The following INTS3 variants were observed in gnomAD, a reference collection of about 807,000 sequenced individuals.
INTS3 encodes integrator complex subunit 3.
A neutral mutation model predicts 146.3 loss-of-function variants in INTS3; 34 were observed. The observed-to-expected ratio is 0.23, with a 90% CI of 0.18 to 0.31. The LOEUF (loss-of-function observed/expected upper bound fraction) is 0.31. Ranked by LOEUF, INTS3 falls within the 10% of genes least tolerant of loss-of-function variation. The probability of loss-of-function intolerance (pLI) is 1.00; values close to 1 mark genes in which losing one functional copy is unlikely to be tolerated. For missense variants in INTS3, 757 were observed against 1,304.2 expected, an observed-to-expected ratio of 0.58 and a Z score of 6.46; for synonymous variants, 475 against 494.9, an observed-to-expected ratio of 0.96 and a Z score of 0.53.
intron 1 of INTS3, among the ~76,000 whole-genome samples, chr1:153,729,809 G>A (rs893988643): frequency 6.8e-6 from 1 of 147,614 alleles, no homozygotes; most frequent in Admixed American, 6.9e-5. Flanking sequence ...AAGTTGCAGC[G>A]AGCCAAGATT....
chr1:153,757,682 A>G lies in INTS3; in HGVS notation c.1068A>G (p.Val356=), dbSNP rs1438681438. The change falls in exon 10 of 30, where the codon GTA becomes GTG. Residue 356 remains valine (V), a synonymous_variant. Coordinates refer to ENST00000318967, the MANE Select transcript of INTS3 (RefSeq NM_023015.5). This position sits in a 1 kb window ranked among gnomAD's most constrained non-coding sequence, Gnocchi z 4.0. ...RCDLIRYICG[V]VHPSNEVLSS... ...ACCTCATTCGCTACATCTGTGGGGT[A>G]GTCCACCCTTCTAATGAAGTACTGA... is the stretch of plus-strand genomic sequence containing the variant. The G allele has an allele frequency of 2.5e-6, 4 of 1,614,066 alleles. No individual in the cohort carries two copies. The highest frequency in any genetic ancestry group is 1.3e-5 in the African/African-American group (1 of 74,954).
chr1:153,741,299 C>A lies in INTS3; in HGVS notation c.249C>A (p.Leu83=). 6.2e-7 allele frequency: 1 copy of A among 1,613,790 alleles called. No homozygotes were observed. The change falls in exon 3 of 30, where the codon CTC becomes CTA. Residue 83 remains leucine, a synonymous_variant. Transcript: ENST00000318967. ...DALNAYVCKG[L]PQHEEICLGL... is the part of the protein sequence containing the mutation. ...TCACATTCCAGGTGTGCAAAGGCCT[C>A]CCCCAGCATGAAGAAATCTGCCTGG...
Position 153,759,582 on chromosome 1 carries a change from T to C in INTS3, c.1206T>C (p.Phe402=), listed in dbSNP as rs750345903. 3.1e-6 allele frequency: 5 copies of C among 1,613,844 alleles called. No homozygotes were observed. Among genetic ancestry groups the C allele is most frequent in the Non-Finnish European group, 2.5e-6 (3 of 1,179,732 alleles). Residue 402 remains phenylalanine, a synonymous_variant, in exon 11 of 30, where the codon TTT becomes TTC. Coordinates refer to ENST00000318967, the MANE Select transcript of INTS3 (RefSeq NM_023015.5). ...KLALFYDWLF[F]SPDKDSIMNI... is the part of the protein sequence containing the mutation. Reference sequence around the variant, plus strand: ...CTTTGTTTTATGACTGGCTGTTCTTTAGTCCAGACAAGGATAGCATTATGA... The same window carrying C: ...CTTTGTTTTATGACTGGCTGTTCTTCAGTCCAGACAAGGATAGCATTATGA...
intron 13 of INTS3, 180 bp downstream of exon 13, chr1:153,761,098 C>T: frequency 6.3e-6 from 9 of 1,433,272 alleles, no homozygotes; most frequent in South Asian, 1.5e-5. Flanking sequence ...CTCCTGCCAT[C>T]GTATTACAAA....
intron 22 of INTS3, among the ~76,000 whole-genome samples, chr1:153,769,211 G>T (rs1450734401): frequency 6.6e-6 from 1 of 152,214 alleles, no homozygotes; most frequent in Non-Finnish European, 1.5e-5. Context: ...GGGCACTCCT[G>T]TTCCACAGCA....
intron 14 of INTS3, 58 bp from the exon 15 acceptor site, chr1:153,762,669 TG>T: frequency 6.3e-7 from 1 of 1,596,656 alleles, no homozygotes. Context: ...CCTAGAAGCA[TG>T]GGGCATGTTA....
intron 3 of INTS3, among the ~76,000 whole-genome samples, chr1:153,742,773 A>G (rs1176257051): frequency 6.6e-6 from 1 of 152,230 alleles, no homozygotes; most frequent in Non-Finnish European, 1.5e-5. Flanking sequence ...CCATCCAGAC[A>G]CAGCAAGAGA....
At chr1:153,763,395 G>C in intron 16 of INTS3, 33 bp downstream of exon 16, 1 of 1,612,588 alleles carries the variant, frequency 6.2e-7, no homozygotes, top group Non-Finnish European at 8.5e-7. Context: ...ACTTCAGGAG[G>C]TTCAGCCCCA....
chr1:153,770,321 C>T lies in INTS3; in HGVS notation c.2503+10C>T. 6.6e-7 allele frequency: 1 copy of T among 1,513,762 alleles called. No individual in the cohort carries two copies. Among genetic ancestry groups the T allele is most frequent in the Non-Finnish European group, 9.2e-7 (1 of 1,088,530 alleles). 93.8% of individuals were successfully genotyped at this position (1,513,762 alleles called of 1,614,324 possible). ...CACCTCAAATACAAGGGTGAGTAGGCTTTTGGGTAGGGAGCACATCAGATA... is the reference window on the plus strand; with the variant it reads ...CACCTCAAATACAAGGGTGAGTAGGTTTTTGGGTAGGGAGCACATCAGATA... On this transcript the variant is annotated intron_variant, in intron 24 of 29. Coordinates refer to ENST00000318967, the MANE Select transcript of INTS3 (RefSeq NM_023015.5).
chr1:153,728,868 TGGGGGCGGGGG>T, intron 1 of INTS3, 84 bp downstream of exon 1: 1 of 18,832 alleles, frequency 5.3e-5, no homozygotes, highest in Non-Finnish European at 9.3e-5. Flanking sequence ...GGACGGGGGG[TGGGGGCGGGGG>T]TGGAGGCTTT....
intron 1 of INTS3, among the ~76,000 whole-genome samples, chr1:153,736,079 C>G (rs1671272169): frequency 6.6e-6 from 1 of 152,122 alleles, no homozygotes; most frequent in Non-Finnish European, 1.5e-5. Flanking sequence ...GAGGGTTTTC[C>G]TTCCCTCCCC....
rs927354961 is a variant in INTS3, at chr1:153,740,760, C to A, written c.234+26C>A. ...GTAAGTAGAATGCTGTCCCTGCAGC[C>A]ACTGCTGCTGCTGTGAAGGTCTTGA... On this transcript the variant is annotated intron_variant, in intron 2 of 29. Coordinates refer to ENST00000318967, the MANE Select transcript of INTS3 (RefSeq NM_023015.5). 1.1e-5 allele frequency: 17 copies of A among 1,519,636 alleles called. No homozygotes were observed. The Admixed American group carries it at 1.7e-4, about 15-fold the overall frequency. The allele number at this position is 1,519,636 out of a possible 1,614,324, so 94.1% of individuals were successfully genotyped here.
At chr1:153,758,576 G>C (rs1264186747) in intron 10 of INTS3, among the ~76,000 whole-genome samples, 2 of 152,202 alleles carry the variant, frequency 1.3e-5, no homozygotes, top group African/African-American at 4.8e-5. Context: ...GGGAGGTTGA[G>C]GTGGGCAGAT....
chr1:153,734,525 T>A (rs1671215205), intron 1 of INTS3, among the ~76,000 whole-genome samples: 1 of 152,210 alleles, frequency 6.6e-6, no homozygotes, highest in Non-Finnish European at 1.5e-5. Context: ...GCTGAGCCTC[T>A]CTGTTCCAAG....
At position 153,760,891 on chromosome 1, in the gene INTS3, A is replaced by C; in HGVS notation, c.1382A>C (p.Asn461Thr). 2 of 1,614,030 alleles carry C rather than the reference A, an allele frequency of 1.2e-6. No individual in the cohort carries two copies. The highest frequency in any genetic ancestry group is 1.7e-6 in the Non-Finnish European group (2 of 1,179,958). ...CGGCAGGGTGTCTTTTCCTCCCTCA[A>C]CCACATTGTGGAGAAACGGGTCTTG... ...HVRQGVFSSL[N>T]HIVEKRVLAH... The change falls in exon 13 of 30, where the codon AAC becomes ACC. Residue 461 changes from asparagine (N) to threonine (T), a missense_variant. Asn to Thr is a moderately conservative substitution (Grantham distance 65). This residue lies in a region of INTS3 where 97 missense variants were observed against 113.6 expected (regional missense o/e 0.85). Coordinates refer to ENST00000318967, the MANE Select transcript of INTS3 (RefSeq NM_023015.5).
chr1:153,764,781 T>A, intron 19 of INTS3, 47 bp downstream of exon 19: 3 of 1,540,856 alleles, frequency 1.9e-6, no homozygotes, highest in Non-Finnish European at 2.7e-6. Flanking sequence ...CCATCCTCCC[T>A]GACAGCACAC....
At chr1:153,761,957 A>G (rs1324577435) in intron 14 of INTS3, among the ~76,000 whole-genome samples, 2 of 152,194 alleles carry the variant, frequency 1.3e-5, no homozygotes, top group East Asian at 3.8e-4. Context: ...CTTTCATGTA[A>G]TATTTACAAT....
intron 1 of INTS3, among the ~76,000 whole-genome samples, chr1:153,734,331 C>G (rs1671206012): frequency 6.6e-6 from 1 of 152,116 alleles, no homozygotes; most frequent in South Asian, 2.1e-4. Context: ...CCTTTGTCAC[C>G]CTGAATGATT....
chr1:153,764,109 A>G lies in INTS3; in HGVS notation c.1822-9A>G. 6.2e-7 allele frequency: 1 copy of G among 1,610,682 alleles called. No individual in the cohort carries two copies. Among genetic ancestry groups the G allele is most frequent in the Non-Finnish European group, 8.5e-7 (1 of 1,177,034 alleles). On this transcript the variant is annotated splice_polypyrimidine_tract_variant and intron_variant, in intron 17 of 29. Transcript: ENST00000318967. ...GTAGTGACTCTCCCTCCCTTGTCTC[A>G]TCACCCAGGAAGACTTTGACTCGGA...
Sources: gnomAD v4.1 joint callset for allele counts (sites outside exome capture counted in the v4.1 genomes callset) on GRCh38, gnomAD v4.1.1 for gene constraint, gnomAD v4.1.1 regional missense constraint, Gnocchi (gnomAD v3.1) non-coding constraint, MANE v1.5 for transcripts, NCBI Gene and HGNC (gene_info 2026-07-23, HGNC 2026-07-21) for gene names.